Variants in SOX6 observed in about 807,000 individuals in gnomAD.
The protein encoded by SOX6 is SRY-box transcription factor 6, also known as transcription factor SOX-6.
A neutral mutation model predicts 97.8 loss-of-function variants in SOX6; 11 were observed. The ratio of observed to expected loss-of-function variants is 0.11; its 90% CI spans 0.07 to 0.19. The LOEUF (loss-of-function observed/expected upper bound fraction) is 0.19. SOX6 is among the 10% of genes least tolerant of loss of function. SOX6 has a pLI of 1.00. For synonymous variants in SOX6, 360 were observed against 371.4 expected (o/e 0.97, Z 0.35); for missense variants, 810 against 1,039.5 (o/e 0.78, Z 3.04).
At chr11:15,985,814 G>A (rs919089996) in intron 15 of SOX6, among the ~76,000 whole-genome samples, 17 of 152,102 alleles carry the variant, frequency 1.1e-4, no homozygotes, top group Non-Finnish European at 1.0e-4. Flanking sequence ...GCAGACTATT[G>A]TGATTAGAGT....
intron 1 of SOX6, among the ~76,000 whole-genome samples, chr11:16,350,464 A>G (rs1186726452): frequency 6.6e-6 from 1 of 152,212 alleles, no homozygotes; most frequent in Non-Finnish European, 1.5e-5. Flanking sequence ...TTCAAATAAT[A>G]TAATACAATT....
intron 3 of SOX6, among the ~76,000 whole-genome samples, chr11:16,306,321 A>T (rs762220892): frequency 6.6e-6 from 1 of 152,254 alleles, no homozygotes; most frequent in African/African-American, 2.4e-5. Flanking sequence ...AAGAGCAAAC[A>T]GCATAATTAG....
chr11:16,733,642 G>T (rs1328391240), intron 2 of SOX6, among the ~76,000 whole-genome samples: 5 of 151,130 alleles, frequency 3.3e-5, no homozygotes, highest in Non-Finnish European at 7.4e-5. Flanking sequence ...TGGGTTGATG[G>T]GTGCAGCAAA....
intron 10 of SOX6, 30 bp downstream of exon 10, chr11:16,055,722 T>C: frequency 2.5e-6 from 4 of 1,613,322 alleles, no homozygotes; most frequent in Non-Finnish European, 3.4e-6. Context: ...TTTTCTAAAC[T>C]GTTTCCACAA....
At chr11:16,388,845 T>C (rs920251781) in intron 1 of SOX6, among the ~76,000 whole-genome samples, 1 of 152,156 alleles carries the variant, frequency 6.6e-6, no homozygotes, top group Non-Finnish European at 1.5e-5. Flanking sequence ...TAGATGTACT[T>C]TTCTTTGCAT....
At chr11:16,669,890 A>T (rs1847834639) in intron 3 of SOX6, among the ~76,000 whole-genome samples, 1 of 152,174 alleles carries the variant, frequency 6.6e-6, no homozygotes, top group African/African-American at 2.4e-5. Context: ...AGAAAATCCC[A>T]GAGTCAACCT....
At chr11:16,021,339 T>G (rs1252580990) in intron 12 of SOX6, among the ~76,000 whole-genome samples, 2 of 152,176 alleles carry the variant, frequency 1.3e-5, no homozygotes, top group Non-Finnish European at 2.9e-5. Flanking sequence ...AGACGTATCT[T>G]GCCATGCTGT....
chr11:16,268,742 T>C (rs185517062), intron 3 of SOX6, among the ~76,000 whole-genome samples: 1 of 151,338 alleles, frequency 6.6e-6, no homozygotes, highest in East Asian at 1.9e-4. Flanking sequence ...TGTCTATCCA[T>C]GTCCTTTTCT....
chr11:16,554,280 T>C (rs1336013997), intron 4 of SOX6, among the ~76,000 whole-genome samples: 1 of 152,124 alleles, frequency 6.6e-6, no homozygotes, highest in African/African-American at 2.4e-5. Context: ...GAAAATCATA[T>C]TTCTGTTCGT....
At position 16,120,581 on chromosome 11, in the gene SOX6, T is replaced by TATATATATAC. The variant is rs140473523; in HGVS notation, c.778-8659_778-8658insGTATATATAT. The stretch of plus-strand genomic sequence containing the variant: ...CTTCACATATATATATATATATATA[T>TATATATATAC]ACACACACTTTTCTGCATAAATATA... On this transcript the variant is annotated intron_variant, in intron 6 of 15. Transcript: ENST00000683767. 2.5e-3 allele frequency among the ~76,000 whole-genome samples: 369 copies of TATATATATAC among 149,698 alleles called. 1 individual carries two copies. Among genetic ancestry groups the TATATATATAC allele is most frequent in the East Asian group, 0.021 (105 of 4,922 alleles).
chr11:16,668,633 A>G (rs1813906521), intron 3 of SOX6, among the ~76,000 whole-genome samples: 4 of 152,192 alleles, frequency 2.6e-5, no homozygotes, highest in African/African-American at 9.7e-5. Flanking sequence ...TAAACAAATA[A>G]GACCCAACAA....
At chr11:16,710,685 A>G (rs1029483285) in intron 3 of SOX6, among the ~76,000 whole-genome samples, 1 of 152,132 alleles carries the variant, frequency 6.6e-6, no homozygotes, top group Admixed American at 6.5e-5. Flanking sequence ...TCTGAAATCT[A>G]TCTCTTTTCC....
intron 9 of SOX6, among the ~76,000 whole-genome samples, chr11:16,087,863 C>T (rs1339733228): frequency 6.6e-6 from 1 of 152,060 alleles, no homozygotes; most frequent in Non-Finnish European, 1.5e-5. Flanking sequence ...AATAGGTGTT[C>T]TCAATCTTCG....
At chr11:16,017,087 G>A (rs1298294959) in intron 12 of SOX6, among the ~76,000 whole-genome samples, 1 of 151,932 alleles carries the variant, frequency 6.6e-6, no homozygotes, top group Non-Finnish European at 1.5e-5. Flanking sequence ...ACATGCCATG[G>A]TTTGTAAAAT....
intron 12 of SOX6, among the ~76,000 whole-genome samples, chr11:16,039,139 C>T (rs563809981): frequency 6.6e-6 from 1 of 152,188 alleles, no homozygotes; most frequent in East Asian, 1.9e-4. Context: ...CTTTACCCTA[C>T]TTACCTTATT....
chr11:16,490,182 T>C (rs993014239), intron 4 of SOX6, among the ~76,000 whole-genome samples: 5 of 152,094 alleles, frequency 3.3e-5, no homozygotes, highest in African/African-American at 1.2e-4. Context: ...TCTGCCATCA[T>C]AGAGCAAAAG....
At chr11:16,452,703 TAGAAA>T (rs955872332) in intron 1 of SOX6, among the ~76,000 whole-genome samples, 2 of 152,018 alleles carry the variant, frequency 1.3e-5, no homozygotes, top group Non-Finnish European at 2.9e-5. Flanking sequence ...TGCTTTCCCT[TAGAAA>T]AGAAAAGAGG....
At chr11:16,167,913 T>A (rs1173704784) in intron 6 of SOX6, among the ~76,000 whole-genome samples, 1 of 152,188 alleles carries the variant, frequency 6.6e-6, no homozygotes, top group Non-Finnish European at 1.5e-5. Context: ...CAGTGGAATG[T>A]AAACTTAGCA....
intron 1 of SOX6, among the ~76,000 whole-genome samples, chr11:16,405,842 G>C (rs920862751): frequency 6.6e-6 from 1 of 151,946 alleles, no homozygotes; most frequent in Non-Finnish European, 1.5e-5. Context: ...TCTTTAACCA[G>C]CTCAAACGTA....
Sources: gnomAD v4.1 joint callset for allele counts (sites outside exome capture counted in the v4.1 genomes callset) on GRCh38, gnomAD v4.1.1 for gene constraint, MANE v1.5 for transcripts, NCBI Gene and HGNC (gene_info 2026-07-23, HGNC 2026-07-21) for gene names.